The following DAP3 variants were observed in gnomAD, a reference collection of about 807,000 sequenced individuals.
DAP3 encodes the protein death associated protein 3, also known as small ribosomal subunit protein mS29.
Under a neutral mutation model 51.9 loss-of-function variants are expected in DAP3, and 28 were observed. The observed-to-expected ratio is 0.54, with a 90% CI of 0.40 to 0.74. DAP3 has a LOEUF of 0.74. Among genes scored for constraint, DAP3 ranks in the 30% least tolerant of loss-of-function variants. The pLI is 0.00. For synonymous variants in DAP3, 170 were observed against 170.3 expected, an observed-to-expected ratio of 1.00 and a Z score of 0.01; for missense variants, 458 against 483.5, an observed-to-expected ratio of 0.95 and a Z score of 0.49.
upstream of DAP3, chr1:155,688,295 T>C: frequency 1.3e-6 from 2 of 1,571,548 alleles, no homozygotes; most frequent in Non-Finnish European, 1.7e-6. Context: ...TGGGATCGTT[T>C]CCCCTCGCAA....
intron 3 of DAP3, among the ~76,000 whole-genome samples, chr1:155,720,324 C>CAAAAAAAAAAAAAA (rs61252469): frequency 6.1e-5 from 2 of 32,788 alleles, no homozygotes; most frequent in African/African-American, 2.6e-4. Flanking sequence ...GATCTTGTCT[C>CAAAAAAAAAAAAAA]AAAAAAAAAA....
At position 155,693,733 on chromosome 1, in the gene DAP3, C is replaced by T. The variant is rs948354311; in HGVS notation, c.-8+4559C>T. On this transcript the variant is annotated intron_variant, in intron 1 of 12. Coordinates refer to ENST00000368336, the MANE Select transcript of DAP3 (RefSeq NM_004632.4). ...TCCCAGCACTTTGGGAGGCCGAGGCCGGCAGATCACCTGAGGTCGGGAGTT... is the reference window on the plus strand; with the variant it reads ...TCCCAGCACTTTGGGAGGCCGAGGCTGGCAGATCACCTGAGGTCGGGAGTT... 2.1e-5 allele frequency among the ~76,000 whole-genome samples: 3 copies of T among 141,478 alleles called. 1 individual carries two copies. The highest frequency in any genetic ancestry group is 6.4e-5 in the African/African-American group (2 of 31,120). 92.8% of individuals were successfully genotyped at this position (141,478 alleles called of 152,430 possible).
rs1465515401 is a variant in DAP3 at position 155,725,436 on chromosome 1, C to T, written c.325C>T (p.Leu109=). ...GGTAAGGAAACCAGCCCTAGAACTTCTGCATTACCTGAAAAACACCAGTTT... is the reference window on the plus strand; with the variant it reads ...GGTAAGGAAACCAGCCCTAGAACTTTTGCATTACCTGAAAAACACCAGTTT... ...LMVRKPALEL[L]HYLKNTSFAY... The change falls in exon 5 of 13, where the codon CTG becomes TTG. Residue 109 remains leucine (L), a synonymous_variant. Coordinates refer to ENST00000368336, the MANE Select transcript of DAP3 (RefSeq NM_004632.4). 3 of 1,614,036 alleles carry T rather than the reference C, an allele frequency of 1.9e-6. No individual in the cohort carries two copies. The African/African-American group carries it at 4.0e-5, about 22-fold the overall frequency.
chr1:155,736,589 G>T, intron 11 of DAP3: 1 of 264,298 alleles, frequency 3.8e-6, no homozygotes, highest in Non-Finnish European at 7.3e-6. Flanking sequence ...GCTAATTTTT[G>T]TATTTTCTGT....
intron 3 of DAP3, among the ~76,000 whole-genome samples, 159 bp from the exon 4 acceptor site, chr1:155,721,358 G>GTA (rs951082828): frequency 1.2e-4 from 18 of 147,450 alleles, no homozygotes; most frequent in South Asian, 4.2e-4. Context: ...ATATGTATGT[G>GTA]TATATATATA....
intron 3 of DAP3, among the ~76,000 whole-genome samples, chr1:155,718,703 G>T (rs1392826313): frequency 7.2e-6 from 1 of 138,446 alleles, no homozygotes; most frequent in Non-Finnish European, 1.6e-5. Context: ...AAAAAAGAAA[G>T]AAAGATAGAT....
At chr1:155,724,640 G>GAAA (rs936826529) in intron 4 of DAP3, among the ~76,000 whole-genome samples, 3 of 91,106 alleles carry the variant, frequency 3.3e-5, no homozygotes, top group African/African-American at 1.0e-4. Context: ...CTCAAAAAAA[G>GAAA]AAAAAAAAAA....
intron 1 of DAP3, among the ~76,000 whole-genome samples, chr1:155,699,823 C>T (rs1029404518): frequency 6.6e-6 from 1 of 152,118 alleles, no homozygotes; most frequent in Non-Finnish European, 1.5e-5. Context: ...ATTATGTTGC[C>T]CAGGCTGGTC....
In DAP3 at chr1:155,732,095, T is replaced by G. The variant is rs1659295724; in HGVS notation, c.993+62T>G. ...TTATCCTGTTTAAAGAAAAATATTT[T>G]TATTAATCTATGTATTTTGACATAA... On this transcript the variant is annotated intron_variant, in intron 11 of 12. Coordinates refer to ENST00000368336, the MANE Select transcript of DAP3 (RefSeq NM_004632.4). 19 of 1,388,128 alleles carry G rather than the reference T, an allele frequency of 1.4e-5. No individual in the cohort carries two copies. In the Admixed American group the frequency reaches 3.9e-4, roughly 28 times the overall value. The allele number at this position is 1,388,128 out of a possible 1,614,324, so 86.0% of individuals were successfully genotyped here.
Position 155,729,058 on chromosome 1 carries a change from A to G in DAP3, c.620A>G (p.Lys207Arg). Residue 207 changes from lysine (K) to arginine (R), a missense_variant, in exon 8 of 13, where the codon AAG (lysine) becomes AGG (arginine). By Grantham distance (26) the Lys-to-Arg change is conservative. Transcript: ENST00000368336. ...RFLNQIKVQE[K>R]YVWNKRESTE... The stretch of plus-strand genomic sequence containing the variant: ...TGCTTTTAGATAAAAGTTCAAGAGA[A>G]GTATGTCTGGAATAAGAGAGAAAGC... 1 of 1,613,856 alleles carries G rather than the reference A, an allele frequency of 6.2e-7. No individual in the cohort carries two copies. The highest frequency in any genetic ancestry group is 8.5e-7 in the Non-Finnish European group (1 of 1,179,970).
chr1:155,689,189 C>G lies in DAP3; in HGVS notation c.-8+15C>G. ...CTCGACTCACGGTGAGGGAATGGAC[C>G]GACACGGGTATTGTACCGCTGAGGG... On this transcript the variant is annotated intron_variant, in intron 1 of 12. Coordinates refer to ENST00000368336, the MANE Select transcript of DAP3 (RefSeq NM_004632.4). The G allele has an allele frequency of 1.4e-6, 1 of 714,344 alleles. No individual in the cohort carries two copies. Among genetic ancestry groups the G allele is most frequent in the South Asian group, 1.5e-5 (1 of 66,844 alleles). The allele number at this position is 714,344 out of a possible 1,614,324, so 44.3% of individuals were successfully genotyped here.
chr1:155,714,890 A>T (rs1657144628), intron 2 of DAP3, among the ~76,000 whole-genome samples: 1 of 151,854 alleles, frequency 6.6e-6, no homozygotes, highest in South Asian at 2.1e-4. Flanking sequence ...GAGATAACAT[A>T]TATTTTCTGC....
chr1:155,712,182 T>C (rs1374921612), intron 2 of DAP3, among the ~76,000 whole-genome samples: 1 of 152,228 alleles, frequency 6.6e-6, no homozygotes, highest in South Asian at 2.1e-4. Flanking sequence ...CTAGATTGGC[T>C]CACAAATGCT....
chr1:155,700,394 C>A (rs1655034733), intron 1 of DAP3, among the ~76,000 whole-genome samples: 1 of 152,228 alleles, frequency 6.6e-6, no homozygotes, highest in Non-Finnish European at 1.5e-5. Flanking sequence ...GGATAAAATT[C>A]AATTCTCCAT....
At chr1:155,701,603 T>A (rs1337849449) in intron 1 of DAP3, among the ~76,000 whole-genome samples, 1 of 130,568 alleles carries the variant, frequency 7.7e-6, no homozygotes. Context: ...GTTTATCTGC[T>A]GACCTTCCCT....
intron 3 of DAP3, among the ~76,000 whole-genome samples, chr1:155,718,707 GATA>G (rs1657627994): frequency 1.3e-5 from 1 of 79,102 alleles, no homozygotes; most frequent in Non-Finnish European, 2.9e-5. Context: ...AAGAAAGAAA[GATA>G]GATAGATAGA....
intron 3 of DAP3, among the ~76,000 whole-genome samples, chr1:155,720,831 G>A (rs1490257178): frequency 6.6e-6 from 1 of 152,006 alleles, no homozygotes; most frequent in Non-Finnish European, 1.5e-5. Flanking sequence ...GAGGTCAAGA[G>A]ATCAAGACCA....
At chr1:155,692,694 A>G (rs1010585614) in intron 1 of DAP3, among the ~76,000 whole-genome samples, 1 of 141,924 alleles carries the variant, frequency 7.0e-6, no homozygotes, top group Non-Finnish European at 1.5e-5. Flanking sequence ...TTTCTTCCAG[A>G]TGATGTCTAA....
In DAP3 at chr1:155,727,652, T is replaced by C. The variant is rs1658759697; in HGVS notation, c.517T>C (p.Tyr173His). 3 of 1,613,702 alleles carry C rather than the reference T, an allele frequency of 1.9e-6. No homozygotes were observed. Among genetic ancestry groups the C allele is most frequent in the African/African-American group, 2.7e-5 (2 of 74,900 alleles). ...TTGTCGGGATCTTCTGCAGTCCAGC[T>C]ACAACAAACAGCGCTTTGATCAACC... ...KNCRDLLQSS[Y>H]NKQRFDQPLE... The change falls in exon 7 of 13, where the codon TAC (tyrosine) becomes CAC (histidine). Residue 173 changes from tyrosine (Y) to histidine (H), a missense_variant. By Grantham distance (83) the Tyr-to-His change is moderately conservative (BLOSUM62 2). Coordinates refer to ENST00000368336, the MANE Select transcript of DAP3 (RefSeq NM_004632.4).
Sources: gnomAD v4.1 joint callset for allele counts (sites outside exome capture counted in the v4.1 genomes callset) on GRCh38, gnomAD v4.1.1 for gene constraint, MANE v1.5 for transcripts, NCBI Gene and HGNC (gene_info 2026-07-23, HGNC 2026-07-21) for gene names.